Variants in LEKR1 observed in about 807,000 individuals in gnomAD.
LEKR1 encodes the protein leucine, glutamate and lysine rich 1, also known as protein LEKR1.
A neutral mutation model predicts 72.4 loss-of-function variants in LEKR1; 59 were observed. The observed-to-expected ratio is 0.82, with a 90% CI of 0.66 to 1.01. The LOEUF is 1.01. Ranked by LOEUF, LEKR1 falls within the 50% of genes least tolerant of loss-of-function variation. LEKR1 has a pLI of 0.00. For synonymous variants in LEKR1, 257 were observed against 263.2 expected (o/e 0.98, Z 0.23); for missense variants, 728 against 759.2 (o/e 0.96, Z 0.48).
At chr3:156,842,204 G>T (rs1714009993) in intron 2 of LEKR1, among the ~76,000 whole-genome samples, 1 of 152,162 alleles carries the variant, frequency 6.6e-6, no homozygotes, top group African/African-American at 2.4e-5. Context: ...GGTAACAGGA[G>T]CCATTTAGAT....
intron 2 of LEKR1, among the ~76,000 whole-genome samples, chr3:156,838,189 G>A (rs1273315265): frequency 1.3e-5 from 2 of 152,138 alleles, no homozygotes; most frequent in Admixed American, 1.3e-4. Context: ...TGATCTTTAA[G>A]CAACATGGAA....
At chr3:156,861,880 C>G (rs1716800922) in intron 3 of LEKR1, among the ~76,000 whole-genome samples, 1 of 152,006 alleles carries the variant, frequency 6.6e-6, no homozygotes, top group Non-Finnish European at 1.5e-5. Flanking sequence ...TTCTCCCACA[C>G]CAACACTAGA....
intron 3 of LEKR1, among the ~76,000 whole-genome samples, chr3:156,891,751 A>G (rs961611410): frequency 6.6e-6 from 1 of 152,096 alleles, no homozygotes; most frequent in African/African-American, 2.4e-5. Flanking sequence ...TTCCACCACC[A>G]TTCCCCCCAC....
intron 3 of LEKR1, among the ~76,000 whole-genome samples, chr3:156,899,257 T>C (rs1000002950): frequency 6.8e-6 from 1 of 147,344 alleles, no homozygotes; most frequent in Non-Finnish European, 1.5e-5. Flanking sequence ...TATATACATA[T>C]ATATATATAC....
At chr3:156,928,342 C>G (rs778951817) in intron 5 of LEKR1, among the ~76,000 whole-genome samples, 1 of 152,030 alleles carries the variant, frequency 6.6e-6, no homozygotes, top group Non-Finnish European at 1.5e-5. Flanking sequence ...AAGTACTACT[C>G]TCCCACAGGG....
chr3:156,954,881 A>C (rs62275822), intron 6 of LEKR1, among the ~76,000 whole-genome samples: 4,829 of 151,938 alleles, frequency 0.032, 117 homozygotes, highest in Non-Finnish European at 0.047. Flanking sequence ...AGTTTTTTCT[A>C]GTTGTGTGAA....
intron 12 of LEKR1, among the ~76,000 whole-genome samples, chr3:157,044,873 C>G (rs1345925299): frequency 2.0e-5 from 3 of 152,162 alleles, no homozygotes; most frequent in Non-Finnish European, 4.4e-5. Context: ...ACTTCAAGCA[C>G]TTTTACCTGT....
intron 3 of LEKR1, chr3:156,888,336 A>G (rs1481674852): frequency 5.7e-6 from 4 of 702,376 alleles, no homozygotes; most frequent in East Asian, 5.4e-5. Context: ...TGGAAGTAGA[A>G]CATTGCCAGC....
intron 2 of LEKR1, among the ~76,000 whole-genome samples, chr3:156,845,845 C>T (rs2108534484): frequency 6.6e-6 from 1 of 152,152 alleles, no homozygotes; most frequent in East Asian, 1.9e-4. Flanking sequence ...GAGAATAACT[C>T]TTTCTATATA....
chr3:157,021,503 T>C (rs758060355), intron 10 of LEKR1, among the ~76,000 whole-genome samples: 155 of 152,186 alleles, frequency 1.0e-3, no homozygotes, highest in Non-Finnish European at 1.8e-3. Flanking sequence ...GATTTTCTAA[T>C]TGACCTAATC....
intron 7 of LEKR1, among the ~76,000 whole-genome samples, chr3:156,982,776 C>A (rs946530885): frequency 1.3e-5 from 2 of 151,598 alleles, no homozygotes; most frequent in Non-Finnish European, 2.9e-5. Context: ...AAATCTAGTT[C>A]TATTGCTTTT....
chr3:157,014,049 T>C (rs1400355427), intron 10 of LEKR1, among the ~76,000 whole-genome samples: 1 of 152,064 alleles, frequency 6.6e-6, no homozygotes, highest in Non-Finnish European at 1.5e-5. Flanking sequence ...TTTCAAGTAT[T>C]ACTACTTGAA....
At chr3:157,040,638 C>T (rs752590371) in intron 12 of LEKR1, among the ~76,000 whole-genome samples, 2 of 152,178 alleles carry the variant, frequency 1.3e-5, no homozygotes, top group Non-Finnish European at 2.9e-5. Context: ...CACAGAATTT[C>T]CTTTTACCTC....
At chr3:157,025,795 G>A (rs1350331219) in intron 11 of LEKR1, among the ~76,000 whole-genome samples, 2 of 151,814 alleles carry the variant, frequency 1.3e-5, no homozygotes, top group African/African-American at 4.8e-5. Flanking sequence ...AGAGGCCCAA[G>A]CAAGAGGATC....
At chr3:156,894,304 C>G (rs1272469782) in intron 3 of LEKR1, among the ~76,000 whole-genome samples, 1 of 152,286 alleles carries the variant, frequency 6.6e-6, no homozygotes, top group East Asian at 1.9e-4. Flanking sequence ...AAAGTGATCA[C>G]ATACAATAAT....
At chr3:156,950,367 T>A (rs1727044943) in intron 6 of LEKR1, among the ~76,000 whole-genome samples, 1 of 151,608 alleles carries the variant, frequency 6.6e-6, no homozygotes. Context: ...TTTCTAGTTT[T>A]ATGAAAAATG....
At chr3:156,849,793 A>G (rs1350490277) in intron 2 of LEKR1, among the ~76,000 whole-genome samples, 1 of 152,150 alleles carries the variant, frequency 6.6e-6, no homozygotes, top group East Asian at 1.9e-4. Context: ...TAGACCTAAA[A>G]CCATAAAAAC....
At chr3:156,972,006 A>G (rs1729242555) in intron 6 of LEKR1, among the ~76,000 whole-genome samples, 1 of 152,218 alleles carries the variant, frequency 6.6e-6, no homozygotes, top group Non-Finnish European at 1.5e-5. Context: ...TACTGAAAGG[A>G]TTATAAATCA....
At chr3:157,043,959 T>C (rs1439189341) in intron 12 of LEKR1, among the ~76,000 whole-genome samples, 1 of 152,240 alleles carries the variant, frequency 6.6e-6, no homozygotes, top group African/African-American at 2.4e-5. Context: ...CTGGCTAATC[T>C]GGAATTGCTC....
Sources: allele counts gnomAD v4.1 joint callset (sites outside exome capture counted in the v4.1 genomes callset), GRCh38; gene constraint gnomAD v4.1.1; transcripts MANE v1.5; gene names NCBI Gene and HGNC (gene_info 2026-07-23, HGNC 2026-07-21).